Variants in GPHN observed in about 807,000 individuals in gnomAD.
GPHN encodes the protein gephyrin.
A neutral mutation model predicts 95.5 loss-of-function variants in GPHN; 17 were observed. The observed-to-expected ratio is 0.18, with a 90% CI of 0.12 to 0.27. GPHN has a LOEUF of 0.27. Ranked by LOEUF, GPHN falls within the 10% of genes least tolerant of loss-of-function variation. The probability of loss-of-function intolerance (pLI) is 1.00; values close to 1 mark genes in which losing one functional copy is unlikely to be tolerated. For synonymous variants in GPHN, 320 were observed against 322.5 expected (o/e 0.99, Z 0.08); for missense variants, 660 against 978.1 (o/e 0.67, Z 4.34).
At chr14:66,670,290 G>A (rs1419645930) in intron 1 of GPHN, among the ~76,000 whole-genome samples, 1 of 152,134 alleles carries the variant, frequency 6.6e-6, no homozygotes, top group Non-Finnish European at 1.5e-5. Flanking sequence ...GGGGTTGGTT[G>A]AAGATGTTTG....
chr14:66,824,861 G>A (rs2061336094), intron 4 of GPHN, among the ~76,000 whole-genome samples: 1 of 152,118 alleles, frequency 6.6e-6, no homozygotes, highest in African/African-American at 2.4e-5. Context: ...GGAAGTGATA[G>A]CAGAATTCTG....
intron 2 of GPHN, among the ~76,000 whole-genome samples, chr14:66,700,204 C>A (rs543353767): frequency 6.6e-6 from 1 of 152,208 alleles, no homozygotes; most frequent in East Asian, 1.9e-4. Context: ...GACAACTGCA[C>A]AAAACCCTAT....
chr14:67,119,489 A>C (rs1020376564), intron 16 of GPHN, among the ~76,000 whole-genome samples: 5 of 152,118 alleles, frequency 3.3e-5, no homozygotes, highest in Non-Finnish European at 7.4e-5. Flanking sequence ...ACAAAGGGGA[A>C]AACAAAGTTA....
At chr14:67,397,731 AGGGGTCAC>A in the GPHN span, 13 of 1,613,126 alleles carry the variant, frequency 8.1e-6, no homozygotes, top group Non-Finnish European at 8.5e-6. Flanking sequence ...GGCCCTTGGG[AGGGGTCAC>A]TCTCCGACCC....
chr14:67,569,794 C>G, the GPHN span: 1 of 679,576 alleles, frequency 1.5e-6, no homozygotes, highest in African/African-American at 1.8e-5. Context: ...AGGGCCCTGG[C>G]CCCCCTCTTG....
intron 10 of GPHN, among the ~76,000 whole-genome samples, chr14:67,030,446 C>T (rs537169802): frequency 1.3e-5 from 2 of 152,258 alleles, no homozygotes; most frequent in East Asian, 1.9e-4. Flanking sequence ...GGCCCAACTC[C>T]TTAAAATTGC....
the GPHN span, chr14:67,652,223 T>C: frequency 6.6e-6 from 1 of 152,296 alleles, no homozygotes; most frequent in African/African-American, 2.4e-5. Context: ...TTTTGTTTTT[T>C]ATTTTTGGTA....
At chr14:66,569,829 T>A (rs1595014904) in intron 1 of GPHN, among the ~76,000 whole-genome samples, 1 of 152,260 alleles carries the variant, frequency 6.6e-6, no homozygotes, top group East Asian at 1.9e-4. Context: ...GTTAGCAATT[T>A]GAAGTGTACA....
intron 1 of GPHN, among the ~76,000 whole-genome samples, chr14:66,666,378 T>C (rs8012053): frequency 0.31 from 47,567 of 151,114 alleles, 11,467 homozygotes; most frequent in African/African-American, 0.65. Flanking sequence ...CATTATGAAC[T>C]TACTGTATTG....
chr14:67,525,099 T>A, the GPHN span, among the ~76,000 whole-genome samples: 77 of 152,276 alleles, frequency 5.1e-4, no homozygotes, highest in Admixed American at 1.3e-3. Flanking sequence ...TGATTCATAC[T>A]CCTTGTAAAA....
chr14:67,099,321 C>T (rs1420875578), intron 12 of GPHN, among the ~76,000 whole-genome samples: 1 of 151,854 alleles, frequency 6.6e-6, no homozygotes, highest in East Asian at 1.9e-4. Context: ...GAGGTTTCTC[C>T]ATGTTGGTCA....
chr14:66,697,292 AGCATTTATAATTT>A (rs2068162351), intron 2 of GPHN, among the ~76,000 whole-genome samples: 1 of 152,222 alleles, frequency 6.6e-6, no homozygotes, highest in Non-Finnish European at 1.5e-5. Context: ...TCTGTAATTC[AGCATTTATAATTT>A]GCCTTAGTTA....
chr14:67,545,071 A>G, the GPHN span, among the ~76,000 whole-genome samples: 3 of 152,362 alleles, frequency 2.0e-5, no homozygotes, highest in South Asian at 6.2e-4. Context: ...GGCTTAAACC[A>G]GGCTGATGTT....
chr14:66,709,457 TG>T, intron 2 of GPHN: 1 of 455,588 alleles, frequency 2.2e-6, no homozygotes, highest in Non-Finnish European at 4.4e-6. Flanking sequence ...CCCAGATGGC[TG>T]GTAAGTGAAT....
chr14:67,602,347 C>A, the GPHN span, among the ~76,000 whole-genome samples: 1 of 152,170 alleles, frequency 6.6e-6, no homozygotes, highest in African/African-American at 2.4e-5. Flanking sequence ...CAATCACCTC[C>A]CACTGGGTCC....
intron 11 of GPHN, among the ~76,000 whole-genome samples, chr14:67,070,198 A>G (rs953989073): frequency 3.3e-5 from 5 of 151,890 alleles, no homozygotes; most frequent in African/African-American, 9.7e-5. Flanking sequence ...GCATCTTATT[A>G]TATCATTACC....
At chr14:66,951,706 G>A (rs1213874895) in intron 8 of GPHN, among the ~76,000 whole-genome samples, 1 of 152,108 alleles carries the variant, frequency 6.6e-6, no homozygotes, top group Admixed American at 6.5e-5. Context: ...TCTTAATGGT[G>A]CCAGAATTAA....
the GPHN span, among the ~76,000 whole-genome samples, chr14:67,357,346 G>T: frequency 6.6e-6 from 1 of 152,210 alleles, no homozygotes; most frequent in African/African-American, 2.4e-5. Context: ...TAGCTAGGAT[G>T]ATGACTTTTC....
chr14:66,660,114 G>T (rs144151747), intron 1 of GPHN, among the ~76,000 whole-genome samples: 12 of 152,130 alleles, frequency 7.9e-5, no homozygotes, highest in Admixed American at 3.3e-4. Context: ...GTGTGTGTGT[G>T]TGTATAAAAT....
Sources: gnomAD v4.1 joint callset for allele counts (sites outside exome capture counted in the v4.1 genomes callset) on GRCh38, gnomAD v4.1.1 for gene constraint, MANE v1.5 for transcripts, NCBI Gene and HGNC (gene_info 2026-07-23, HGNC 2026-07-21) for gene names.